The following RNF114 variants were observed in gnomAD, a reference collection of about 807,000 sequenced individuals.
RNF114 encodes the protein E3 ubiquitin-protein ligase RNF114.
A neutral mutation model predicts 28.4 loss-of-function variants in RNF114; 6 were observed. The ratio of observed to expected loss-of-function variants is 0.21; its 90% confidence interval spans 0.12 to 0.42. The LOEUF (loss-of-function observed/expected upper bound fraction) is 0.42, where lower values mean the gene tolerates loss of function less well. Among genes scored for constraint, RNF114 ranks in the 10% least tolerant of loss-of-function variants. The pLI is 1.00. For missense variants in RNF114, 249 were observed against 311.7 expected (o/e 0.80, Z 1.51); for synonymous variants, 115 against 116.7 (o/e 0.99, Z 0.09).
chr20:49,940,011 A>G (rs974959515), intron 1 of RNF114, among the ~76,000 whole-genome samples: 13 of 141,996 alleles, frequency 9.2e-5, no homozygotes, highest in African/African-American at 3.1e-4. Flanking sequence ...CCGAGATTGC[A>G]CCATTGCACT....
intron 5 of RNF114, among the ~76,000 whole-genome samples, chr20:49,951,661 C>A (rs1263328978): frequency 6.6e-6 from 1 of 152,170 alleles, no homozygotes; most frequent in Admixed American, 6.6e-5. Context: ...GGGTGGATCA[C>A]GAGGTCAAGA....
Position 49,952,372 on chromosome 20 carries a change from T to G in RNF114, c.*231T>G, listed in dbSNP as rs2090358365. On this transcript the variant is annotated 3_prime_UTR_variant, in exon 6 of 6. Transcript: ENST00000244061. ...ACTGTTAACCTTGTTTGTCACACGG[T>G]CGAGTTCGTATTGGTTCTCGGCTAC... 1 of 554,866 alleles carries G rather than the reference T, an allele frequency of 1.8e-6. No individual in the cohort carries two copies. The highest frequency in any genetic ancestry group is 1.9e-5 in the African/African-American group (1 of 53,360). 34.4% of individuals were successfully genotyped at this position (554,866 alleles called of 1,614,324 possible).
chr20:49,945,326 T>G, intron 2 of RNF114, 56 bp from the exon 3 acceptor site: 1 of 1,069,470 alleles, frequency 9.4e-7, no homozygotes, highest in Non-Finnish European at 1.5e-6. Flanking sequence ...TGGGACTATA[T>G]TTTGCCTGTT....
chr20:49,940,911 T>C (rs6020143), intron 1 of RNF114, among the ~76,000 whole-genome samples: 15,031 of 152,006 alleles, frequency 0.099, 1,762 homozygotes, highest in African/African-American at 0.29. Context: ...CTGGCTAATT[T>C]TGGTATTTTT....
In RNF114 at chr20:49,946,132, C is replaced by A. The variant is rs376175877; in HGVS notation, c.399-4C>A. The A allele has an allele frequency of 1.9e-6, 3 of 1,553,750 alleles. No homozygotes were observed. The African/African-American group carries it at 4.1e-5, about 21-fold the overall frequency. On this transcript the variant is annotated splice_region_variant and splice_polypyrimidine_tract_variant and intron_variant, in intron 3 of 5. Coordinates refer to ENST00000244061, the MANE Select transcript of RNF114 (RefSeq NM_018683.4). ...TTTCTTTTTTCCTGTGTTTCACCTT[C>A]CAGGAATGTTCCAAACCGTTACACC...
At chr20:49,951,514 C>T (rs2090355207) in intron 5 of RNF114, among the ~76,000 whole-genome samples, 1 of 152,114 alleles carries the variant, frequency 6.6e-6, no homozygotes, top group Non-Finnish European at 1.5e-5. Flanking sequence ...TTGGTCTGTG[C>T]CAGCCTCCAT....
Position 49,952,231 on chromosome 20 carries a change from C to T in RNF114, c.*90C>T. The T allele has an allele frequency of 8.6e-7, 1 of 1,158,008 alleles. No individual in the cohort carries two copies. The highest frequency in any genetic ancestry group is 1.3e-6 in the Non-Finnish European group (1 of 766,628). The allele number at this position is 1,158,008 out of a possible 1,614,324, so 71.7% of individuals were successfully genotyped here. A position where few individuals can be genotyped will look rare whatever the true frequency, so the allele number is the denominator to read the frequency against. On this transcript the variant is annotated 3_prime_UTR_variant, in exon 6 of 6. Coordinates refer to ENST00000244061, the MANE Select transcript of RNF114 (RefSeq NM_018683.4). ...CTATGACTCCTGTACCTTACCTGTT[C>T]AACAGACCTGAAAATGAGCCATGGC...
chr20:49,941,140 C>T (rs1327160547), intron 1 of RNF114: 1 of 156,688 alleles, frequency 6.4e-6, no homozygotes, highest in East Asian at 1.9e-4. Flanking sequence ...TAGCAGCTCC[C>T]GTTTGTGGTG....
intron 1 of RNF114, among the ~76,000 whole-genome samples, chr20:49,940,704 C>T (rs957939434): frequency 6.6e-6 from 1 of 151,712 alleles, no homozygotes; most frequent in East Asian, 1.9e-4. Context: ...TGAGCCACCG[C>T]GCCTGGCTGA....
intron 5 of RNF114, 64 bp from the exon 6 acceptor site, chr20:49,952,012 A>C: frequency 1.5e-6 from 2 of 1,296,122 alleles, no homozygotes; most frequent in Non-Finnish European, 2.2e-6. Flanking sequence ...TCCTGCTTCT[A>C]CTGAAAGCCA....
At chr20:49,936,656 AG>A in intron 1 of RNF114, 104 bp downstream of exon 1, 1 of 1,408,196 alleles carries the variant, frequency 7.1e-7, no homozygotes, top group Non-Finnish European at 9.4e-7. Flanking sequence ...ACCCACCCAG[AG>A]GGGCCTCCCG....
intron 2 of RNF114, 153 bp downstream of exon 2, chr20:49,941,864 T>G: frequency 1.4e-6 from 1 of 704,836 alleles, no homozygotes; most frequent in South Asian, 2.0e-5. Flanking sequence ...TGGGCTGGTT[T>G]GTTTTCATAA....
chr20:49,945,192 TAGC>T (rs930090936), intron 2 of RNF114, 187 bp from the exon 3 acceptor site: 6 of 526,892 alleles, frequency 1.1e-5, no homozygotes, highest in Admixed American at 3.3e-5. Flanking sequence ...TCGAATAAAA[TAGC>T]AGCCTTGGTA....
chr20:49,950,040 G>A (rs968834757), intron 5 of RNF114, among the ~76,000 whole-genome samples: 3 of 151,602 alleles, frequency 2.0e-5, no homozygotes, highest in African/African-American at 2.4e-5. Context: ...TCCTGAGGTC[G>A]GGGGTTCGAG....
At chr20:49,951,240 A>C (rs977581040) in intron 5 of RNF114, among the ~76,000 whole-genome samples, 2 of 151,904 alleles carry the variant, frequency 1.3e-5, no homozygotes, top group Admixed American at 1.3e-4. Context: ...TCTGAAACTC[A>C]GACTTCAGAA....
At chr20:49,936,656 A>T in intron 1 of RNF114, 104 bp downstream of exon 1, 1 of 1,408,194 alleles carries the variant, frequency 7.1e-7, no homozygotes, top group Non-Finnish European at 9.4e-7. Flanking sequence ...ACCCACCCAG[A>T]GGGGCCTCCC....
Position 49,941,604 on chromosome 20 carries a change from C to G in RNF114, c.184C>G (p.Pro62Ala), listed in dbSNP as rs199757048. 3.1e-6 allele frequency: 5 copies of G among 1,610,742 alleles called. No homozygotes were observed. The highest frequency in any genetic ancestry group is 4.2e-6 in the Non-Finnish European group (5 of 1,177,714). Residue 62 changes from proline to alanine, a missense_variant, in exon 2 of 6, where the codon CCT becomes GCT. Physicochemically the swap from Pro to Ala is conservative, Grantham distance 27. Around this residue, in one of 2 missense-constraint regions of RNF114, gnomAD observed 123 missense variants for 106.4 expected, o/e 1.16. Coordinates refer to ENST00000244061, the MANE Select transcript of RNF114 (RefSeq NM_018683.4). ...GCAGGAATGTCTGAAGCCGAAGAAG[C>G]CTGTCTGTGGGGTGTGTCGCAGCGC... ...CLQECLKPKK[P>A]VCGVCRSALA...
rs964458961 is a variant in RNF114, at chr20:49,952,652, A to G, written c.*511A>G. Reference sequence around the variant, plus strand: ...GGGGTTGCCAGAAGCTGGGGTTGCCATCCCGGGGTACATGTCACCAGTCCT... The same window carrying G: ...GGGGTTGCCAGAAGCTGGGGTTGCCGTCCCGGGGTACATGTCACCAGTCCT... On this transcript the variant is annotated 3_prime_UTR_variant, in exon 6 of 6. Coordinates refer to ENST00000244061, the MANE Select transcript of RNF114 (RefSeq NM_018683.4). 2 of 179,378 alleles carry G rather than the reference A, an allele frequency of 1.1e-5. No individual in the cohort carries two copies. The highest frequency in any genetic ancestry group is 4.7e-5 in the African/African-American group (2 of 42,480). The allele number at this position is 179,378 out of a possible 1,614,324, so 11.1% of individuals were successfully genotyped here.
intron 4 of RNF114, among the ~76,000 whole-genome samples, chr20:49,947,160 C>A (rs1431447553): frequency 7.2e-6 from 1 of 139,556 alleles, no homozygotes; most frequent in East Asian, 2.1e-4. Context: ...GCAGAAGTTG[C>A]AGTGAACTGA....
Sources: allele counts gnomAD v4.1 joint callset (sites outside exome capture counted in the v4.1 genomes callset), GRCh38; gene constraint gnomAD v4.1.1; regional missense constraint gnomAD v4.1.1; transcripts MANE v1.5; gene names NCBI Gene and HGNC (gene_info 2026-07-23, HGNC 2026-07-21).